The following BARD1 variants were observed in gnomAD, a reference collection of about 807,000 sequenced individuals.
The protein encoded by BARD1 is BRCA1-associated RING domain protein 1.
BARD1 carries 73 observed loss-of-function variants against 77.0 expected under a neutral mutation model. The ratio of observed to expected loss-of-function variants is 0.95; its 90% CI spans 0.79 to 1.15. The LOEUF (loss-of-function observed/expected upper bound fraction) is 1.15. Among genes scored for constraint, BARD1 ranks in the 50% most tolerant of loss-of-function variants. BARD1 has a pLI of 0.00. For synonymous variants in BARD1, 384 were observed against 338.0 expected (o/e 1.14, Z -1.49); for missense variants, 993 against 938.8 (o/e 1.06, Z -0.75).
At position 214,764,280 on chromosome 2, in the gene BARD1, AG is replaced by A. The variant is rs1694094093; in HGVS notation, c.1568+3201del. ...ACTACATTAGGCACTTGGCAGAACT[AG>A]GGAGGGCAGACATGATCCCTGGCCC... On this transcript the variant is annotated intron_variant, in intron 6 of 10. Coordinates refer to ENST00000260947, the MANE Select transcript of BARD1 (RefSeq NM_000465.4). Among the ~76,000 whole-genome samples, 4 of 152,310 alleles carry A rather than the reference AG, an allele frequency of 2.6e-5. No homozygotes were observed. In the South Asian group the frequency reaches 8.3e-4, roughly 32 times the overall value.
At chr2:214,734,941 C>A (rs894594338) in intron 9 of BARD1, among the ~76,000 whole-genome samples, 4 of 152,116 alleles carry the variant, frequency 2.6e-5, no homozygotes, top group African/African-American at 9.7e-5. Flanking sequence ...GCTATGAACA[C>A]CGATTAGTGA....
intron 1 of BARD1, among the ~76,000 whole-genome samples, chr2:214,800,924 G>C (rs949277935): frequency 1.3e-5 from 2 of 151,670 alleles, no homozygotes; most frequent in African/African-American, 4.8e-5. Flanking sequence ...ACAGTAGTAA[G>C]AAAATTCATC....
chr2:214,759,969 C>G (rs1325412794), intron 6 of BARD1, among the ~76,000 whole-genome samples: 1 of 152,192 alleles, frequency 6.6e-6, no homozygotes, highest in East Asian at 1.9e-4. Flanking sequence ...TTTAAATTCA[C>G]TTGGCTTTGC....
At chr2:214,755,562 A>C (rs1036606150) in intron 6 of BARD1, among the ~76,000 whole-genome samples, 23 of 152,200 alleles carry the variant, frequency 1.5e-4, no homozygotes, top group African/African-American at 5.1e-4. Context: ...AATGAGGTGA[A>C]ATAGAAGATA....
At chr2:214,806,480 CCTT>C (rs1559450722) in intron 1 of BARD1, among the ~76,000 whole-genome samples, 1 of 152,180 alleles carries the variant, frequency 6.6e-6, no homozygotes, top group Non-Finnish European at 1.5e-5. Context: ...TGCTTTTCCT[CCTT>C]GAGTAAGGTG....
chr2:214,782,467 T>C (rs1181268205), intron 3 of BARD1, among the ~76,000 whole-genome samples: 1 of 149,790 alleles, frequency 6.7e-6, no homozygotes, highest in Non-Finnish European at 1.5e-5. Flanking sequence ...AAAATATATA[T>C]TTTTTCTACA....
chr2:214,777,393 G>A (rs771991698), intron 4 of BARD1, among the ~76,000 whole-genome samples: 1 of 152,152 alleles, frequency 6.6e-6, no homozygotes, highest in South Asian at 2.1e-4. Context: ...CCTGCAGTGG[G>A]GGAAGGTAAC....
intron 6 of BARD1, among the ~76,000 whole-genome samples, chr2:214,761,725 A>C (rs116817185): frequency 8.6e-4 from 131 of 152,296 alleles, no homozygotes; most frequent in African/African-American, 3.0e-3. Flanking sequence ...GAAAATAATA[A>C]AGGGAAGAAA....
rs1462436388 is a variant in BARD1 at position 214,769,323 on chromosome 2, G to A, written c.1315-11C>T. 1.3e-6 allele frequency: 2 copies of A among 1,598,548 alleles called. No homozygotes were observed. The highest frequency in any genetic ancestry group is 1.7e-5 in the Admixed American group (1 of 59,928). Reference sequence around the variant, plus strand: ...AGAAGGTATGTCGCCCTAGAAAAATGAACAAAACGGAAATTAAAAAGCATT... The same window carrying A: ...AGAAGGTATGTCGCCCTAGAAAAATAAACAAAACGGAAATTAAAAAGCATT... On this transcript the variant is annotated splice_polypyrimidine_tract_variant and intron_variant, in intron 4 of 10. Transcript: ENST00000260947.
At chr2:214,756,677 A>G (rs757053606) in intron 6 of BARD1, among the ~76,000 whole-genome samples, 11 of 152,248 alleles carry the variant, frequency 7.2e-5, no homozygotes, top group Non-Finnish European at 1.3e-4. Flanking sequence ...TGGCATTCAC[A>G]GCAACCTGGA....
At chr2:214,772,421 T>C (rs6732526) in intron 4 of BARD1, among the ~76,000 whole-genome samples, 27,451 of 151,918 alleles carry the variant, frequency 0.18, 2,670 homozygotes, top group East Asian at 0.42. Flanking sequence ...TTCTCAAAGA[T>C]TTCCCCATTC....
intron 2 of BARD1, among the ~76,000 whole-genome samples, chr2:214,796,254 A>C (rs574387246): frequency 1.9e-4 from 29 of 152,304 alleles, no homozygotes; most frequent in African/African-American, 6.3e-4. Flanking sequence ...ACATGGATAT[A>C]ATTTCACAAT....
chr2:214,744,428 A>G (rs1260707371), intron 9 of BARD1, among the ~76,000 whole-genome samples: 1 of 152,254 alleles, frequency 6.6e-6, no homozygotes, highest in East Asian at 1.9e-4. Context: ...CATGTCATGC[A>G]GTATATTTAA....
At chr2:214,767,806 G>C (rs1009141095) in intron 5 of BARD1, 152 bp from the exon 6 acceptor site, 2 of 698,242 alleles carry the variant, frequency 2.9e-6, no homozygotes, top group African/African-American at 1.8e-5. Context: ...GTTGCTGACA[G>C]AGTGAAAGTT....
At chr2:214,777,843 T>C (rs997317442) in intron 4 of BARD1, among the ~76,000 whole-genome samples, 4 of 152,182 alleles carry the variant, frequency 2.6e-5, no homozygotes, top group Non-Finnish European at 5.9e-5. Flanking sequence ...TGTGTACACA[T>C]AGATTTATTC....
intron 10 of BARD1, 123 bp from the exon 11 acceptor site, chr2:214,729,131 A>G: frequency 8.5e-7 from 1 of 1,170,180 alleles, no homozygotes; most frequent in Non-Finnish European, 1.2e-6. Context: ...TTTGGAGGAG[A>G]AGCATTTCAG....
chr2:214,803,627 T>A (rs969965394), intron 1 of BARD1, among the ~76,000 whole-genome samples: 1 of 152,172 alleles, frequency 6.6e-6, no homozygotes, highest in African/African-American at 2.4e-5. Context: ...CCCACTATTG[T>A]CTTGTGACCC....
At chr2:214,761,463 G>A (rs6751618) in intron 6 of BARD1, among the ~76,000 whole-genome samples, 63,364 of 151,782 alleles carry the variant, frequency 0.42, 13,294 homozygotes, top group South Asian at 0.5. Flanking sequence ...TTTAAATGAT[G>A]CACAACACCA....
chr2:214,756,432 G>T (rs1172593371), intron 6 of BARD1, among the ~76,000 whole-genome samples: 1 of 152,176 alleles, frequency 6.6e-6, no homozygotes, highest in Non-Finnish European at 1.5e-5. Flanking sequence ...ATTCCTTAAA[G>T]AACTAAAAGT....
Sources: allele counts gnomAD v4.1 joint callset (sites outside exome capture counted in the v4.1 genomes callset), GRCh38; gene constraint gnomAD v4.1.1; transcripts MANE v1.5; gene names NCBI Gene and HGNC (gene_info 2026-07-23, HGNC 2026-07-21).